The following CAMSAP1 variants were observed in gnomAD, a reference collection of about 807,000 sequenced individuals.
The protein encoded by CAMSAP1 is calmodulin-regulated spectrin-associated protein 1.
In CAMSAP1, 58 loss-of-function variants were observed where a neutral mutation model predicts 143.5. The ratio of observed to expected loss-of-function variants is 0.40; its 90% CI spans 0.33 to 0.50. The LOEUF (loss-of-function observed/expected upper bound fraction) is 0.50, where lower values mean the gene tolerates loss of function less well. Among genes scored for constraint, CAMSAP1 ranks in the 20% least tolerant of loss-of-function variants. The pLI is 0.45. For missense variants in CAMSAP1, 1,969 were observed against 2,115.7 expected, an observed-to-expected ratio of 0.93 and a Z score of 1.36; for synonymous variants, 945 against 859.3, an observed-to-expected ratio of 1.10 and a Z score of -1.74.
chr9:135,842,090 T>C (rs191316232), intron 7 of CAMSAP1, among the ~76,000 whole-genome samples: 1 of 152,278 alleles, frequency 6.6e-6, no homozygotes, highest in Admixed American at 6.5e-5. Flanking sequence ...GCAAGGAAGC[T>C]AAGAACCTTG....
chr9:135,837,981 TCA>T (rs1836154778), intron 7 of CAMSAP1, among the ~76,000 whole-genome samples: 1 of 143,760 alleles, frequency 7.0e-6, no homozygotes, highest in African/African-American at 2.6e-5. Flanking sequence ...ACACACATCA[TCA>T]CACGCTTTCT....
At chr9:135,859,809 T>A (rs1837113256) in intron 5 of CAMSAP1, among the ~76,000 whole-genome samples, 1 of 152,102 alleles carries the variant, frequency 6.6e-6, no homozygotes, top group South Asian at 2.1e-4. Flanking sequence ...TGACCCTGTA[T>A]CCTTAGCAAT....
chr9:135,901,773 C>T (rs541815434), intron 1 of CAMSAP1, among the ~76,000 whole-genome samples: 23 of 152,262 alleles, frequency 1.5e-4, no homozygotes, highest in Admixed American at 3.9e-4. Flanking sequence ...TACTTAAAAA[C>T]CCTCCCAGGC....
chr9:135,873,922 A>G (rs1244760014), intron 3 of CAMSAP1, among the ~76,000 whole-genome samples: 1 of 152,202 alleles, frequency 6.6e-6, no homozygotes, highest in African/African-American at 2.4e-5. Flanking sequence ...CATGAGAAAA[A>G]AAACTAGAGA....
Position 135,827,461 on chromosome 9 carries a change from A to G in CAMSAP1, c.1169T>C (p.Leu390Pro). The stretch of plus-strand genomic sequence containing the variant: ...GTGCCTGTGACAGCCTTCCGCCGGC[A>G]GCTGCACGGGGGGCTGCAGCTCAGC... ...TLAELQPPVQ[L>P]PAEGCHRHYL... The change falls in exon 8 of 17, where the codon CTG becomes CCG. Residue 390 changes from leucine to proline, a missense_variant. Leu to Pro is a moderately conservative substitution (Grantham distance 98). This residue lies in a region of CAMSAP1 where 1,390 missense variants were observed against 1,420.8 expected (regional missense o/e 0.98). Transcript: ENST00000389532. The G allele has an allele frequency of 6.2e-7, 1 of 1,604,768 alleles. No homozygotes were observed. The highest frequency in any genetic ancestry group is 8.5e-7 in the Non-Finnish European group (1 of 1,173,052).
chr9:135,841,598 A>G (rs1050198936), intron 7 of CAMSAP1, among the ~76,000 whole-genome samples: 7 of 152,182 alleles, frequency 4.6e-5, no homozygotes, highest in African/African-American at 4.8e-5. Flanking sequence ...CATACAGGAG[A>G]GCTCCGGTTG....
chr9:135,880,462 A>G (rs1488577451), intron 3 of CAMSAP1, among the ~76,000 whole-genome samples: 1 of 152,204 alleles, frequency 6.6e-6, no homozygotes, highest in Non-Finnish European at 1.5e-5. Context: ...ACCTCACCGC[A>G]GGATAAGGAA....
intron 3 of CAMSAP1, among the ~76,000 whole-genome samples, chr9:135,874,248 G>A (rs529109322): frequency 1.0e-3 from 153 of 152,214 alleles, no homozygotes; most frequent in African/African-American, 3.5e-3. Context: ...CAAGGCAGGC[G>A]GATCCTTTGA....
Position 135,818,194 on chromosome 9 carries a change from T to C in CAMSAP1, c.4169-115A>G. The stretch of plus-strand genomic sequence containing the variant: ...GCAGAGCTCGGCCACACAGGCCGCG[T>C]CCCCACCCCATCCCGGGGAGCCGGG... On this transcript the variant is annotated intron_variant, in intron 13 of 16. Transcript: ENST00000389532. This position sits in a 1 kb window ranked among gnomAD's most constrained non-coding sequence, Gnocchi z 7.7. 1 of 1,212,530 alleles carries C rather than the reference T, an allele frequency of 8.2e-7. No individual in the cohort carries two copies. Among genetic ancestry groups the C allele is most frequent in the Non-Finnish European group, 1.2e-6 (1 of 862,416 alleles). 75.1% of individuals were successfully genotyped at this position (1,212,530 alleles called of 1,614,324 possible). A position where few individuals can be genotyped will look rare whatever the true frequency, so the allele number is the denominator to read the frequency against.
chr9:135,853,436 C>A (rs1181078208), intron 5 of CAMSAP1, among the ~76,000 whole-genome samples: 1 of 152,190 alleles, frequency 6.6e-6, no homozygotes, highest in African/African-American at 2.4e-5. Flanking sequence ...AGAAATAACA[C>A]AATCCAAGAG....
chr9:135,837,273 C>G (rs1296480464), intron 7 of CAMSAP1, among the ~76,000 whole-genome samples: 1 of 151,778 alleles, frequency 6.6e-6, no homozygotes, highest in East Asian at 1.9e-4. Context: ...AGATACACAT[C>G]ATCACGCACT....
intron 7 of CAMSAP1, among the ~76,000 whole-genome samples, chr9:135,829,513 C>A (rs1289057272): frequency 5.3e-5 from 8 of 151,404 alleles, no homozygotes; most frequent in African/African-American, 1.7e-4. Flanking sequence ...CAGAGCAAGA[C>A]CTTGTCTCAA....
intron 1 of CAMSAP1, among the ~76,000 whole-genome samples, chr9:135,896,615 G>C (rs746565889): frequency 6.6e-5 from 10 of 152,052 alleles, no homozygotes; most frequent in Non-Finnish European, 1.2e-4. Flanking sequence ...ACATATCCTA[G>C]GCCACAAGAC....
At chr9:135,890,411 C>A (rs966536052) in intron 1 of CAMSAP1, among the ~76,000 whole-genome samples, 1 of 152,158 alleles carries the variant, frequency 6.6e-6, no homozygotes, top group Non-Finnish European at 1.5e-5. Flanking sequence ...GAGAACCCGT[C>A]CCTCTTCCTG....
intron 1 of CAMSAP1, among the ~76,000 whole-genome samples, chr9:135,905,722 T>G (rs771559511): frequency 6.6e-6 from 1 of 152,206 alleles, no homozygotes; most frequent in Non-Finnish European, 1.5e-5. Context: ...TGTAAGCACA[T>G]GCGGCAAAAT....
chr9:135,898,752 A>C (rs1838529230), intron 1 of CAMSAP1, among the ~76,000 whole-genome samples: 1 of 152,240 alleles, frequency 6.6e-6, no homozygotes, highest in Non-Finnish European at 1.5e-5. Context: ...ACTGGAATTC[A>C]CATAAGCTGC....
chr9:135,870,722 G>C (rs916875562), intron 3 of CAMSAP1, among the ~76,000 whole-genome samples: 2 of 152,172 alleles, frequency 1.3e-5, no homozygotes, highest in African/African-American at 4.8e-5. Context: ...TTAAACCCAG[G>C]AGGCAGAGGT....
At chr9:135,817,148 A>G (rs1312682482) in intron 14 of CAMSAP1, among the ~76,000 whole-genome samples, 2 of 152,206 alleles carry the variant, frequency 1.3e-5, no homozygotes, top group Non-Finnish European at 2.9e-5. Flanking sequence ...AGGAGACTAC[A>G]GGGACATGGC....
intron 16 of CAMSAP1, among the ~76,000 whole-genome samples, chr9:135,812,646 G>A (rs1267693240): frequency 2.0e-5 from 3 of 152,182 alleles, no homozygotes; most frequent in South Asian, 2.1e-4. Flanking sequence ...TTAAAAGGGT[G>A]AATTTTACGG....
Sources: gnomAD v4.1 joint callset for allele counts (sites outside exome capture counted in the v4.1 genomes callset) on GRCh38, gnomAD v4.1.1 for gene constraint, gnomAD v4.1.1 regional missense constraint, Gnocchi (gnomAD v3.1) non-coding constraint, MANE v1.5 for transcripts, NCBI Gene and HGNC (gene_info 2026-07-23, HGNC 2026-07-21) for gene names.